SH3PXD2A: variants seen among roughly 807,000 people sequenced by gnomAD.
SH3PXD2A encodes SH3 and PX domains 2A.
SH3PXD2A carries 32 observed loss-of-function variants against 115.2 expected under a neutral mutation model. The observed-to-expected ratio is 0.28, with a 90% CI of 0.21 to 0.37. SH3PXD2A has a LOEUF of 0.37. SH3PXD2A is among the 10% of genes least tolerant of loss of function. SH3PXD2A has a pLI of 1.00. For missense variants in SH3PXD2A, 1,328 were observed against 1,498.7 expected (o/e 0.89, Z 1.88); for synonymous variants, 610 against 629.1 (o/e 0.97, Z 0.45).
At position 103,679,171 on chromosome 10, in the gene SH3PXD2A, C is replaced by T. The variant is rs557897791; in HGVS notation, c.428-10519G>A. On this transcript the variant is annotated intron_variant, in intron 6 of 14. Coordinates refer to ENST00000369774, the MANE Select transcript of SH3PXD2A (RefSeq NM_001394015.1). ...CCCCTACATGGCGTGGCCCCAGCCC[C>T]GTGCAGCACTTGTGACACTGTTTTA... Among the ~76,000 whole-genome samples the T allele has an allele frequency of 2.6e-3, 396 of 152,318 alleles. 1 individual carries two copies. Among genetic ancestry groups the T allele is most frequent in the Non-Finnish European group, 4.4e-3 (298 of 68,032 alleles).
chr10:103,660,942 G>A (rs2037288221), intron 8 of SH3PXD2A, 41 bp downstream of exon 8: 1 of 1,610,104 alleles, frequency 6.2e-7, no homozygotes, highest in Admixed American at 1.7e-5. Context: ...CCGGGGGCCA[G>A]ACCGGAACCC....
At chr10:103,851,022 A>T (rs1381606157) in intron 1 of SH3PXD2A, among the ~76,000 whole-genome samples, 1 of 151,238 alleles carries the variant, frequency 6.6e-6, no homozygotes, top group African/African-American at 2.4e-5. Context: ...CACAGGTAGG[A>T]TTCAAGCACT....
chr10:103,652,236 T>G (rs2037136520), intron 8 of SH3PXD2A, among the ~76,000 whole-genome samples: 2 of 152,208 alleles, frequency 1.3e-5, no homozygotes. Context: ...CAGAGGGAAA[T>G]GAACTCGGGG....
At chr10:103,814,553 T>C (rs2039304460) in intron 1 of SH3PXD2A, among the ~76,000 whole-genome samples, 1 of 152,110 alleles carries the variant, frequency 6.6e-6, no homozygotes, top group South Asian at 2.1e-4. Flanking sequence ...GGGGCTGTCT[T>C]GTGAAGTAAT....
At chr10:103,608,430 G>GGA (rs1159416236) in intron 13 of SH3PXD2A, among the ~76,000 whole-genome samples, 1 of 85,328 alleles carries the variant, frequency 1.2e-5, no homozygotes, top group Non-Finnish European at 2.4e-5. Context: ...TCCATGTCAA[G>GGA]AAAAAAAAAA....
At chr10:103,791,923 A>G (rs2039040458) in intron 2 of SH3PXD2A, among the ~76,000 whole-genome samples, 1 of 152,120 alleles carries the variant, frequency 6.6e-6, no homozygotes, top group Non-Finnish European at 1.5e-5. Context: ...GTGCCAGTTC[A>G]CCCTGGTCTT....
rs2036581588 is a variant in SH3PXD2A, at chr10:103,620,114, G to A, written c.802+2356C>T. On this transcript the variant is annotated intron_variant, in intron 10 of 14. Transcript: ENST00000369774. The surrounding 1 kb of genome is among the most constrained non-coding windows in gnomAD (Gnocchi z 5.3). The stretch of plus-strand genomic sequence containing the variant: ...AGAGGAGGCCCAGACAGACGGACAT[G>A]GCCTCAGCGGGCAGCTGCATGATTC... 6.6e-6 allele frequency among the ~76,000 whole-genome samples: 1 copy of A among 152,224 alleles called. No individual in the cohort carries two copies. Among genetic ancestry groups the A allele is most frequent in the Admixed American group, 6.5e-5 (1 of 15,290 alleles).
chr10:103,684,794 C>G (rs533859651), intron 6 of SH3PXD2A, among the ~76,000 whole-genome samples: 5 of 151,848 alleles, frequency 3.3e-5, no homozygotes, highest in African/African-American at 1.2e-4. Flanking sequence ...TTTGGGAGGC[C>G]GAGGCAGGAT....
rs151087886 is a variant in SH3PXD2A, at chr10:103,766,026, G to A, written c.229+1068C>T. Among the ~76,000 whole-genome samples, 318 of 152,348 alleles carry A rather than the reference G, an allele frequency of 2.1e-3. 1 individual carries two copies. The highest frequency in any genetic ancestry group is 1.9e-3 in the Non-Finnish European group (128 of 68,028). On this transcript the variant is annotated intron_variant, in intron 3 of 14. Transcript: ENST00000369774. ...ATCTCTAGCTATAGCATAGGACTCT[G>A]AGGACAGGCGGTCATAGGGACTCAC...
intron 10 of SH3PXD2A, among the ~76,000 whole-genome samples, chr10:103,619,892 C>A (rs1592266241): frequency 1.3e-5 from 2 of 152,204 alleles, no homozygotes; most frequent in Admixed American, 1.3e-4. Flanking sequence ...GAACCCAGAG[C>A]CCTCCTCCCT....
chr10:103,701,328 ATTCAT>A (rs2037899439), intron 5 of SH3PXD2A, among the ~76,000 whole-genome samples: 1 of 136,232 alleles, frequency 7.3e-6, no homozygotes, highest in East Asian at 2.3e-4. Context: ...TCATCCATCC[ATTCAT>A]CCATCCATCC....
rs768564430 is a variant in SH3PXD2A, at chr10:103,645,389, C to T, written c.604+15594G>A. 1.6e-4 allele frequency among the ~76,000 whole-genome samples: 24 copies of T among 152,198 alleles called. 1 individual carries two copies. Among genetic ancestry groups the T allele is most frequent in the Non-Finnish European group, 4.4e-5 (3 of 68,030 alleles). On this transcript the variant is annotated intron_variant, in intron 8 of 14. Transcript: ENST00000369774. ...GTTCCCCAATTTGGGGAAATGACTT[C>T]GACCCACAGCAAGCATCTCTAGCTT...
chr10:103,843,376 G>C (rs571132833), intron 1 of SH3PXD2A, among the ~76,000 whole-genome samples: 7 of 152,204 alleles, frequency 4.6e-5, no homozygotes, highest in Non-Finnish European at 1.0e-4. Context: ...CAAGCATGGG[G>C]CTGAAAATAC....
intron 1 of SH3PXD2A, among the ~76,000 whole-genome samples, chr10:103,812,951 GTATGTGTGTGTATA>G (rs1228864979): frequency 6.6e-6 from 1 of 152,138 alleles, no homozygotes; most frequent in East Asian, 1.9e-4. Flanking sequence ...GTGTATGCAT[GTATGTGTGTGTATA>G]TATGTGTGTG....
intron 6 of SH3PXD2A, among the ~76,000 whole-genome samples, chr10:103,669,456 G>A (rs1248942668): frequency 1.3e-5 from 2 of 152,246 alleles, no homozygotes; most frequent in Non-Finnish European, 2.9e-5. Flanking sequence ...ATTAACATCT[G>A]AATGAGGCAG....
intron 2 of SH3PXD2A, 105 bp from the exon 3 acceptor site, chr10:103,767,274 C>G: frequency 1.3e-6 from 1 of 797,686 alleles, no homozygotes; most frequent in South Asian, 1.5e-5. Context: ...TGTCCTCACA[C>G]GGATGAGTGA....
rs141771246 is a variant in SH3PXD2A, at chr10:103,686,887, C to T, written c.427+6141G>A. Among the ~76,000 whole-genome samples, 167 of 151,832 alleles carry T rather than the reference C, an allele frequency of 1.1e-3. No individual in the cohort carries two copies. The East Asian group carries it at 0.029, about 26-fold the overall frequency. On this transcript the variant is annotated intron_variant, in intron 6 of 14. Transcript: ENST00000369774. ...TCAGCCTCCTCAGTAGCTGGGATTACAAGCACCCGCCACCACGTCCAGCTA... is the reference window on the plus strand; with the variant it reads ...TCAGCCTCCTCAGTAGCTGGGATTATAAGCACCCGCCACCACGTCCAGCTA...
At chr10:103,727,338 A>G (rs2038253202) in intron 4 of SH3PXD2A, among the ~76,000 whole-genome samples, 1 of 152,134 alleles carries the variant, frequency 6.6e-6, no homozygotes, top group South Asian at 2.1e-4. Context: ...GGGTAGAAGG[A>G]AAAGGAAATG....
intron 1 of SH3PXD2A, among the ~76,000 whole-genome samples, chr10:103,837,112 G>A (rs1445336437): frequency 2.0e-5 from 3 of 152,118 alleles, no homozygotes; most frequent in Non-Finnish European, 1.5e-5. Context: ...CTCCTCCCTG[G>A]TGGGCCCCTA....
Sources: allele counts gnomAD v4.1 joint callset (sites outside exome capture counted in the v4.1 genomes callset), GRCh38; gene constraint gnomAD v4.1.1; non-coding constraint Gnocchi (gnomAD v3.1); transcripts MANE v1.5; gene names NCBI Gene and HGNC (gene_info 2026-07-23, HGNC 2026-07-21).